The following IL1RAPL2 variants were observed in gnomAD, a reference collection of about 807,000 sequenced individuals.
The protein encoded by IL1RAPL2 is interleukin 1 receptor accessory protein like 2.
In IL1RAPL2, 3 loss-of-function variants were observed where a neutral mutation model predicts 44.1. The observed-to-expected ratio is 0.07, with a 90% confidence interval of 0.03 to 0.18. IL1RAPL2 has a LOEUF of 0.18. Among genes scored for constraint, IL1RAPL2 ranks in the 10% least tolerant of loss-of-function variants. IL1RAPL2 has a pLI of 1.00. For missense variants in IL1RAPL2, 391 were observed against 496.4 expected (o/e 0.79, Z 2.02); for synonymous variants, 181 against 178.8 (o/e 1.01, Z -0.10).
intron 2 of IL1RAPL2, among the ~76,000 whole-genome samples, chrX:104,728,948 T>A (rs1401653488): frequency 8.9e-6 from 1 of 111,886 alleles, no homozygotes; most frequent in Non-Finnish European, 1.9e-5. Context: ...TTACATTTTC[T>A]CTAAGGCTCT....
chrX:105,372,575 C>T (rs747302621), intron 5 of IL1RAPL2, among the ~76,000 whole-genome samples: 7 of 111,351 alleles, frequency 6.3e-5, no homozygotes, highest in Non-Finnish European at 1.3e-4. Context: ...TATTTCTTCA[C>T]CCAGGTATTA....
chrX:105,023,023 A>G (rs932736403), intron 2 of IL1RAPL2, among the ~76,000 whole-genome samples: 2 of 110,951 alleles, frequency 1.8e-5, no homozygotes, highest in African/African-American at 6.5e-5. Context: ...TAGAAAGGAG[A>G]TAGAATGTTA....
intron 1 of IL1RAPL2, among the ~76,000 whole-genome samples, chrX:104,656,340 C>T (rs1451308041): frequency 8.9e-6 from 1 of 111,971 alleles, no homozygotes; most frequent in South Asian, 3.7e-4. Flanking sequence ...CTACACACTG[C>T]TTTAAATGTG....
At chrX:104,778,963 A>T (rs750195099) in intron 2 of IL1RAPL2, among the ~76,000 whole-genome samples, 33 of 110,920 alleles carry the variant, frequency 3.0e-4, no homozygotes, top group Non-Finnish European at 3.2e-4. Context: ...GGACAGATGG[A>T]TGCCAGGGAG....
chrX:104,834,268 T>C (rs1201722897), intron 2 of IL1RAPL2, among the ~76,000 whole-genome samples: 2 of 112,242 alleles, frequency 1.8e-5, no homozygotes, highest in African/African-American at 6.5e-5. Flanking sequence ...CTTACTTCTG[T>C]AAAATTTTTG....
intron 2 of IL1RAPL2, among the ~76,000 whole-genome samples, chrX:104,943,741 T>C (rs1018867201): frequency 9.0e-6 from 1 of 111,712 alleles, no homozygotes; most frequent in Non-Finnish European, 1.9e-5. Flanking sequence ...CTTTTGTTTC[T>C]GTAAAACCAC....
intron 2 of IL1RAPL2, among the ~76,000 whole-genome samples, chrX:104,917,576 C>G (rs775448428): frequency 2.7e-5 from 3 of 111,853 alleles, no homozygotes; most frequent in East Asian, 5.7e-4. Flanking sequence ...GAATGGAATT[C>G]TTCACCAAAT....
At chrX:104,640,725 G>T (rs182816605) in intron 1 of IL1RAPL2, among the ~76,000 whole-genome samples, 1 of 112,244 alleles carries the variant, frequency 8.9e-6, no homozygotes, top group Admixed American at 9.4e-5. Flanking sequence ...AGTTCATGCA[G>T]TAGTGTAGTA....
chrX:104,605,031 C>CGTT (rs1318463254), intron 1 of IL1RAPL2, among the ~76,000 whole-genome samples: 8 of 111,861 alleles, frequency 7.2e-5, no homozygotes, highest in Admixed American at 6.7e-4. Flanking sequence ...CTCAGCACCA[C>CGTT]ATCACACTTA....
intron 2 of IL1RAPL2, among the ~76,000 whole-genome samples, chrX:104,753,322 T>C (rs1373723133): frequency 9.1e-6 from 1 of 110,348 alleles, no homozygotes; most frequent in African/African-American, 3.3e-5. Context: ...CAGTTATATA[T>C]ATATTTGGGG....
At chrX:104,875,739 A>G (rs868225459) in intron 2 of IL1RAPL2, among the ~76,000 whole-genome samples, 1 of 111,359 alleles carries the variant, frequency 9.0e-6, no homozygotes, top group Non-Finnish European at 1.9e-5. Context: ...TCTCCCATCC[A>G]CCTTACACAC....
intron 2 of IL1RAPL2, among the ~76,000 whole-genome samples, chrX:104,830,743 C>A (rs760630227): frequency 1.3e-4 from 14 of 111,627 alleles, no homozygotes; most frequent in Non-Finnish European, 2.6e-4. Context: ...TCAAATGGAT[C>A]CTAAGAATAT....
intron 2 of IL1RAPL2, among the ~76,000 whole-genome samples, chrX:105,014,122 T>A (rs1460350513): frequency 1.8e-5 from 2 of 111,917 alleles, no homozygotes; most frequent in Non-Finnish European, 3.8e-5. Flanking sequence ...TCTTAAGGTT[T>A]TTTTTAGCCC....
intron 2 of IL1RAPL2, among the ~76,000 whole-genome samples, chrX:105,087,331 C>A (rs1221755229): frequency 9.0e-6 from 1 of 111,632 alleles, no homozygotes; most frequent in Non-Finnish European, 1.9e-5. Context: ...TATGTTATTT[C>A]CCCCTCTTCC....
chrX:104,931,167 A>G, intron 2 of IL1RAPL2, among the ~76,000 whole-genome samples: 1 of 111,054 alleles, frequency 9.0e-6, no homozygotes, highest in Non-Finnish European at 1.9e-5. Flanking sequence ...CAGGGAAGCA[A>G]TACTTTTTTT....
intron 2 of IL1RAPL2, among the ~76,000 whole-genome samples, chrX:105,063,017 C>T (rs1302174446): frequency 1.8e-5 from 2 of 111,333 alleles, no homozygotes; most frequent in African/African-American, 6.5e-5. Context: ...TTTGAATAAA[C>T]TTCGTAGCCC....
At chrX:104,601,762 A>AAAAC (rs1268635773) in intron 1 of IL1RAPL2, among the ~76,000 whole-genome samples, 1 of 112,174 alleles carries the variant, frequency 8.9e-6, no homozygotes, top group Non-Finnish European at 1.9e-5. Flanking sequence ...GGTTGCAGAG[A>AAAAC]AAACAGAATG....
chrX:105,577,150 G>A (rs1424709567), intron 6 of IL1RAPL2, among the ~76,000 whole-genome samples: 1 of 111,339 alleles, frequency 9.0e-6, no homozygotes, highest in African/African-American at 3.3e-5. Flanking sequence ...GGGAGAAGCG[G>A]CTGAATATTT....
intron 5 of IL1RAPL2, among the ~76,000 whole-genome samples, chrX:105,365,307 C>T (rs186750762): frequency 1.3e-4 from 15 of 111,599 alleles, no homozygotes; most frequent in African/African-American, 4.2e-4. Flanking sequence ...TTTGCTACTA[C>T]ATTGTTCAGG....
Sources: allele counts gnomAD v4.1 joint callset (sites outside exome capture counted in the v4.1 genomes callset), GRCh38; gene constraint gnomAD v4.1.1; transcripts MANE v1.5; gene names NCBI Gene and HGNC (gene_info 2026-07-23, HGNC 2026-07-21).